FGF14: variants seen among roughly 807,000 people sequenced by gnomAD.
The protein encoded by FGF14 is fibroblast growth factor homologous factor 4.
FGF14 carries 5 observed loss-of-function variants against 25.5 expected under a neutral mutation model. The ratio of observed to expected loss-of-function variants is 0.20; its 90% CI spans 0.10 to 0.41. FGF14 has a LOEUF of 0.41. FGF14 is among the 10% of genes least tolerant of loss of function. The pLI is 1.00. For missense variants in FGF14, 222 were observed against 320.1 expected, an observed-to-expected ratio of 0.69 and a Z score of 2.34; for synonymous variants, 138 against 118.3, an observed-to-expected ratio of 1.17 and a Z score of -1.08.
intron 1 of FGF14, among the ~76,000 whole-genome samples, chr13:102,109,564 A>G (rs2045111377): frequency 6.6e-6 from 1 of 152,110 alleles, no homozygotes; most frequent in Admixed American, 6.6e-5. Flanking sequence ...TAATATAATC[A>G]CTATTTTTTG....
At chr13:102,095,997 G>GTA (rs1338624149) in intron 1 of FGF14, among the ~76,000 whole-genome samples, 11 of 95,900 alleles carry the variant, frequency 1.1e-4, no homozygotes, top group African/African-American at 3.5e-4. Flanking sequence ...GTGTGTGTGT[G>GTA]TGTGTATATA....
intron 3 of FGF14, among the ~76,000 whole-genome samples, chr13:101,865,357 ACAT>A (rs2044646897): frequency 6.6e-6 from 1 of 152,074 alleles, no homozygotes. Flanking sequence ...TTGTTCATAA[ACAT>A]CATTTTAAAC....
intron 1 of FGF14, among the ~76,000 whole-genome samples, chr13:102,349,212 C>T (rs1043075050): frequency 2.9e-4 from 44 of 152,156 alleles, no homozygotes; most frequent in African/African-American, 9.7e-4. Flanking sequence ...TCAGTTGCCC[C>T]GGAAACTACA....
chr13:102,213,429 A>G (rs2140929851), intron 1 of FGF14, among the ~76,000 whole-genome samples: 1 of 152,330 alleles, frequency 6.6e-6, no homozygotes, highest in Admixed American at 6.5e-5. Flanking sequence ...AATTAGGATC[A>G]AAGTATCACT....
At chr13:101,892,040 T>G (rs1306824381) in intron 1 of FGF14, among the ~76,000 whole-genome samples, 3 of 152,128 alleles carry the variant, frequency 2.0e-5, no homozygotes, top group Non-Finnish European at 4.4e-5. Context: ...ATCCAATTAC[T>G]TGGCAGACTT....
At position 101,805,559 on chromosome 13, in the gene FGF14, T is replaced by C. The variant is rs200717378; in HGVS notation, c.408+63166A>G. ...GAAAGGCCATTAAGGGCACCAAACA[T>C]GTAGTGGCGTTTTCCTACAGAGAAG... On this transcript the variant is annotated intron_variant, in intron 3 of 4. Transcript: ENST00000376143. Among the ~76,000 whole-genome samples, 51 of 152,282 alleles carry C rather than the reference T, an allele frequency of 3.3e-4. No homozygotes were observed. In the East Asian group the frequency reaches 6.0e-3, roughly 18 times the overall value.
chr13:101,962,799 G>A (rs1163528997), intron 1 of FGF14, among the ~76,000 whole-genome samples: 1 of 152,138 alleles, frequency 6.6e-6, no homozygotes, highest in Non-Finnish European at 1.5e-5. Flanking sequence ...TTAGAGTACT[G>A]CATCCAGCTT....
intron 1 of FGF14, among the ~76,000 whole-genome samples, chr13:102,384,069 T>G (rs2058247391): frequency 6.6e-6 from 1 of 152,194 alleles, no homozygotes; most frequent in Non-Finnish European, 1.5e-5. Context: ...TGTTTTTCAA[T>G]GTTTGTTTTT....
chr13:102,140,946 G>T (rs2046618946), intron 1 of FGF14, among the ~76,000 whole-genome samples: 1 of 152,186 alleles, frequency 6.6e-6, no homozygotes, highest in African/African-American at 2.4e-5. Flanking sequence ...AGAAAAGTGG[G>T]GTTATAGGAA....
chr13:101,793,890 T>C (rs1358668500), intron 3 of FGF14, among the ~76,000 whole-genome samples: 1 of 152,108 alleles, frequency 6.6e-6, no homozygotes, highest in Non-Finnish European at 1.5e-5. Context: ...TATATATTAG[T>C]GAGACTCTGA....
intron 1 of FGF14, among the ~76,000 whole-genome samples, chr13:102,350,885 G>A (rs1004743890): frequency 2.0e-5 from 3 of 152,110 alleles, no homozygotes; most frequent in East Asian, 3.9e-4. Context: ...CACTGGACAC[G>A]GCCTCCCTCT....
intron 1 of FGF14, among the ~76,000 whole-genome samples, chr13:102,225,720 A>G (rs1037136032): frequency 6.6e-6 from 1 of 152,232 alleles, no homozygotes; most frequent in Admixed American, 6.5e-5. Flanking sequence ...TCTGCAAAAT[A>G]TATCTTCTTT....
At chr13:102,140,188 TA>T (rs2046590659) in intron 1 of FGF14, among the ~76,000 whole-genome samples, 1 of 152,078 alleles carries the variant, frequency 6.6e-6, no homozygotes, top group African/African-American at 2.4e-5. Flanking sequence ...ATGGGGATAA[TA>T]ATGGGGTCTT....
chr13:102,373,582 C>T (rs1010080778), intron 1 of FGF14: 10 of 152,122 alleles, frequency 6.6e-5, no homozygotes, highest in African/African-American at 2.4e-4. Context: ...TGCTGCAATG[C>T]TACTTCAAAG....
At chr13:102,021,788 G>A (rs1442410895) in intron 1 of FGF14, among the ~76,000 whole-genome samples, 4 of 152,010 alleles carry the variant, frequency 2.6e-5, no homozygotes. Flanking sequence ...CCTAATGTGT[G>A]TATCTGATAC....
exon 1 of FGF14, chr13:102,401,729 G>C (rs781364555): frequency 1.2e-5 from 18 of 1,489,116 alleles, no homozygotes; most frequent in Admixed American, 1.0e-4. Context: ...CCCCTCACGT[G>C]GTATATTTCT....
intron 1 of FGF14, among the ~76,000 whole-genome samples, chr13:102,237,288 C>T (rs373950972): frequency 6.6e-6 from 1 of 152,154 alleles, no homozygotes. Flanking sequence ...ATCTGAAAAA[C>T]GTGAGGTGGG....
At chr13:101,867,486 C>T (rs1360766918) in intron 3 of FGF14, among the ~76,000 whole-genome samples, 9 of 152,110 alleles carry the variant, frequency 5.9e-5, no homozygotes, top group Non-Finnish European at 2.9e-5. Flanking sequence ...GTTTAGGCCC[C>T]TAAAATATTA....
chr13:102,092,836 G>A (rs1055969735), intron 1 of FGF14, among the ~76,000 whole-genome samples: 1 of 152,054 alleles, frequency 6.6e-6, no homozygotes, highest in Non-Finnish European at 1.5e-5. Context: ...TAAGGTTTGA[G>A]AAGAAAAGGG....
Sources: allele counts gnomAD v4.1 joint callset (sites outside exome capture counted in the v4.1 genomes callset), GRCh38; gene constraint gnomAD v4.1.1; transcripts MANE v1.5; gene names NCBI Gene and HGNC (gene_info 2026-07-23, HGNC 2026-07-21).